The following IGF1R variants were observed in gnomAD, a reference collection of about 807,000 sequenced individuals.
IGF1R encodes the protein insulin like growth factor 1 receptor.
IGF1R carries 44 observed loss-of-function variants against 144.6 expected under a neutral mutation model. That is an observed-to-expected ratio of 0.30 (90% CI 0.24 to 0.39). The LOEUF is 0.39. Among genes scored for constraint, IGF1R ranks in the 10% least tolerant of loss-of-function variants. IGF1R has a pLI of 1.00. For missense variants in IGF1R, 1,355 were observed against 1,833.7 expected (o/e 0.74, Z 4.77); for synonymous variants, 795 against 722.8 (o/e 1.10, Z -1.60).
chr15:98,698,329 G>A (rs2053645179), intron 1 of IGF1R, among the ~76,000 whole-genome samples: 1 of 152,176 alleles, frequency 6.6e-6, no homozygotes, highest in Non-Finnish European at 1.5e-5. Context: ...GAGCCACCAC[G>A]CCCACCGGCC....
At chr15:98,735,068 G>T (rs1202869672) in intron 2 of IGF1R, among the ~76,000 whole-genome samples, 4 of 152,138 alleles carry the variant, frequency 2.6e-5, no homozygotes, top group African/African-American at 4.8e-5. Context: ...TGTGGCCAGG[G>T]TTCACCCACA....
At chr15:98,832,480 G>A (rs1170298509) in intron 2 of IGF1R, among the ~76,000 whole-genome samples, 4 of 152,186 alleles carry the variant, frequency 2.6e-5, no homozygotes, top group Admixed American at 6.5e-5. Context: ...ACCTTCTCAC[G>A]AGTTAGATTT....
Position 98,911,368 on chromosome 15 carries a change from A to C in IGF1R, c.1516A>C (p.Ile506Leu). The change falls in exon 7 of 21, where the codon ATC becomes CTC. Residue 506 changes from isoleucine to leucine, a missense_variant. Around this residue, in one of 7 missense-constraint regions of IGF1R, gnomAD observed 880 missense variants for 1,202.7 expected, o/e 0.73. Transcript: ENST00000650285. Reference sequence around the variant, plus strand: ...CACCACCACGTCGAAGAATCGCATCATCATAACCTGGCACCGGTACCGGCC... The same window carrying C: ...CACCACCACGTCGAAGAATCGCATCCTCATAACCTGGCACCGGTACCGGCC... ...TSTTTSKNRI[I>L]ITWHRYRPPD... is the part of the protein sequence containing the mutation. The C allele has an allele frequency of 6.2e-7, 1 of 1,614,200 alleles. No individual in the cohort carries two copies. Among genetic ancestry groups the C allele is most frequent in the African/African-American group, 1.3e-5 (1 of 75,052 alleles).
intron 2 of IGF1R, among the ~76,000 whole-genome samples, chr15:98,753,050 C>T (rs371221896): frequency 6.6e-6 from 1 of 150,954 alleles, no homozygotes; most frequent in Non-Finnish European, 1.5e-5. Context: ...ATTCTCCTGC[C>T]TCAGCCTCCC....
chr15:98,850,821 G>A (rs1230286545), intron 2 of IGF1R, among the ~76,000 whole-genome samples: 1 of 152,158 alleles, frequency 6.6e-6, no homozygotes, highest in Non-Finnish European at 1.5e-5. Context: ...AGAAGCAGGT[G>A]TGAGTGTTGG....
At position 98,957,245 on chromosome 15, in the gene IGF1R, G is replaced by A. The variant is rs45475702; in HGVS notation, c.3907G>A (p.Val1303Ile). 44 of 1,614,060 alleles carry A rather than the reference G, an allele frequency of 2.7e-5. No individual in the cohort carries two copies. The highest frequency in any genetic ancestry group is 2.5e-4 in the African/African-American group (19 of 74,934). The change falls in exon 21 of 21, where the codon GTC (valine) becomes ATC (isoleucine). Residue 1303 changes from valine to isoleucine, a missense_variant. Physicochemically the swap from Val to Ile is conservative, Grantham distance 29 (BLOSUM62 3). Around this residue, in one of 7 missense-constraint regions of IGF1R, gnomAD observed 219 missense variants for 188.8 expected, o/e 1.16. Coordinates refer to ENST00000650285, the MANE Select transcript of IGF1R (RefSeq NM_000875.5). The part of the protein sequence containing the change: ...LDLEPENMES[V>I]PLDPSASSSS... ...CCTGGAGCCAGAGAACATGGAGAGC[G>A]TCCCCCTGGACCCCTCGGCCTCCTC...
intron 2 of IGF1R, among the ~76,000 whole-genome samples, chr15:98,737,750 G>A (rs1313170629): frequency 6.6e-6 from 1 of 152,164 alleles, no homozygotes; most frequent in South Asian, 2.1e-4. Context: ...AGATGATGAG[G>A]TAGAGTGGAG....
chr15:98,812,683 TATA>T (rs931593419), intron 2 of IGF1R, among the ~76,000 whole-genome samples: 3 of 152,210 alleles, frequency 2.0e-5, no homozygotes, highest in South Asian at 4.1e-4. Flanking sequence ...AACTTCGTCG[TATA>T]ATATTATGGC....
At chr15:98,727,567 CTGCAAGGCCT>C (rs2054390864) in intron 2 of IGF1R, among the ~76,000 whole-genome samples, 1 of 92,906 alleles carries the variant, frequency 1.1e-5, no homozygotes, top group South Asian at 4.4e-4. Flanking sequence ...TTGGGTGTCT[CTGCAAGGCCT>C]TGCAAGTGAG....
chr15:98,776,301 C>T (rs992095686), intron 2 of IGF1R, among the ~76,000 whole-genome samples: 2 of 151,858 alleles, frequency 1.3e-5, no homozygotes, highest in African/African-American at 2.4e-5. Flanking sequence ...TCTCCTGCCT[C>T]GGCCTTCTGA....
intron 7 of IGF1R, 26 bp from the exon 8 acceptor site, chr15:98,913,018 T>C (rs1397896675): frequency 6.4e-7 from 1 of 1,570,106 alleles, no homozygotes. Context: ...AGCCCCGAAC[T>C]TTCTCTGAAC....
At chr15:98,828,921 T>C (rs1388966488) in intron 2 of IGF1R, among the ~76,000 whole-genome samples, 1 of 152,054 alleles carries the variant, frequency 6.6e-6, no homozygotes, top group East Asian at 1.9e-4. Flanking sequence ...ATCCTTTCTG[T>C]GAACTTGATG....
intron 2 of IGF1R, among the ~76,000 whole-genome samples, chr15:98,757,686 T>G (rs1048662201): frequency 6.6e-6 from 1 of 152,194 alleles, no homozygotes; most frequent in African/African-American, 2.4e-5. Context: ...TTGACTTTGC[T>G]TGGTATACTC....
intron 2 of IGF1R, among the ~76,000 whole-genome samples, chr15:98,763,114 C>T (rs559054683): frequency 1.3e-5 from 2 of 151,226 alleles, no homozygotes; most frequent in East Asian, 3.9e-4. Context: ...ACAGAGATCA[C>T]ATGTACTCTA....
intron 20 of IGF1R, among the ~76,000 whole-genome samples, chr15:98,954,646 G>A (rs573263717): frequency 9.2e-5 from 14 of 152,208 alleles, no homozygotes; most frequent in Admixed American, 2.6e-4. Flanking sequence ...GCACCTCCTC[G>A]GTCCCTGGCC....
chr15:98,860,792 C>A (rs8030950), intron 2 of IGF1R, among the ~76,000 whole-genome samples: 53,394 of 151,968 alleles, frequency 0.35, 10,574 homozygotes, highest in East Asian at 0.8. Flanking sequence ...CTCCATCAGC[C>A]CCTCTGTAGG....
At chr15:98,955,118 A>G (rs1195569176) in intron 20 of IGF1R, among the ~76,000 whole-genome samples, 1 of 152,196 alleles carries the variant, frequency 6.6e-6, no homozygotes. Flanking sequence ...ACATGGGGGT[A>G]TATTATAGTC....
intron 1 of IGF1R, among the ~76,000 whole-genome samples, chr15:98,659,778 T>A (rs916242584): frequency 1.3e-5 from 2 of 152,198 alleles, no homozygotes; most frequent in African/African-American, 2.4e-5. Flanking sequence ...AAAACACTAC[T>A]GATTTCATTT....
chr15:98,708,062 A>T lies in IGF1R; in HGVS notation c.595A>T (p.Asn199Tyr), dbSNP rs757563952. ...KPMCEKTTIN[N>Y]EYNYRCWTTN... ...GATGTGTGAGAAGACCACCATCAACAATGAGTACAACTACCGCTGCTGGAC... is the reference window on the plus strand; with the variant it reads ...GATGTGTGAGAAGACCACCATCAACTATGAGTACAACTACCGCTGCTGGAC... Residue 199 changes from asparagine to tyrosine, a missense_variant, in exon 2 of 21, where the codon AAT (asparagine) becomes TAT (tyrosine). By Grantham distance (143) the Asn-to-Tyr change is moderately radical. Coordinates refer to ENST00000650285, the MANE Select transcript of IGF1R (RefSeq NM_000875.5). The T allele has an allele frequency of 1.2e-6, 2 of 1,614,064 alleles. No individual in the cohort carries two copies. The highest frequency in any genetic ancestry group is 2.2e-5 in the South Asian group (2 of 91,072).
Sources: gnomAD v4.1 joint callset for allele counts (sites outside exome capture counted in the v4.1 genomes callset) on GRCh38, gnomAD v4.1.1 for gene constraint, gnomAD v4.1.1 regional missense constraint, MANE v1.5 for transcripts, NCBI Gene and HGNC (gene_info 2026-07-23, HGNC 2026-07-21) for gene names.